NUP214: variants seen among roughly 807,000 people sequenced by gnomAD.
The protein encoded by NUP214 is nucleoporin 214, also known as nuclear pore complex protein Nup214.
NUP214 carries 79 observed loss-of-function variants against 196.2 expected under a neutral mutation model. The observed-to-expected ratio is 0.40, with a 90% CI of 0.34 to 0.49. The LOEUF is 0.49. Ranked by LOEUF, NUP214 falls within the 20% of genes least tolerant of loss-of-function variation. The probability of loss-of-function intolerance (pLI) is 0.58; values close to 1 mark genes in which losing one functional copy is unlikely to be tolerated. For missense variants in NUP214, 2,468 were observed against 2,539.0 expected (o/e 0.97, Z 0.60); for synonymous variants, 1,020 against 990.5 (o/e 1.03, Z -0.56).
chr9:131,204,996 C>T (rs901433184), intron 30 of NUP214, among the ~76,000 whole-genome samples: 7 of 151,986 alleles, frequency 4.6e-5, no homozygotes, highest in Non-Finnish European at 8.8e-5. Context: ...TTTCTAAATC[C>T]AGCAAAAAAA....
At chr9:131,187,213 A>G in intron 24 of NUP214, 76 bp from the exon 25 acceptor site, 1 of 1,270,846 alleles carries the variant, frequency 7.9e-7, no homozygotes. Flanking sequence ...TATTGGACAG[A>G]AGGTTGGCTT....
At chr9:131,192,893 A>C (rs1833646524) in intron 27 of NUP214, among the ~76,000 whole-genome samples, 1 of 142,060 alleles carries the variant, frequency 7.0e-6, no homozygotes, top group African/African-American at 2.6e-5. Flanking sequence ...GTGAGCTATG[A>C]TCACACCATT....
chr9:131,148,035 A>T (rs1832135627), intron 14 of NUP214, among the ~76,000 whole-genome samples: 2 of 152,316 alleles, frequency 1.3e-5, no homozygotes, highest in Non-Finnish European at 2.9e-5. Context: ...AAAAACGCAA[A>T]AATTAGCCGG....
intron 24 of NUP214, among the ~76,000 whole-genome samples, chr9:131,183,008 A>G (rs1833331788): frequency 6.6e-6 from 1 of 152,034 alleles, no homozygotes; most frequent in Non-Finnish European, 1.5e-5. Flanking sequence ...TCCCTTCACC[A>G]CCTTTATGCT....
chr9:131,133,304 G>GGTT lies in NUP214; in HGVS notation c.831+95_831+96insGTT. On this transcript the variant is annotated intron_variant, in intron 7 of 35. Transcript: ENST00000359428. ...TTTCAAGGGGTTTTTTTGTGTTTGT[G>GGTT]TTTTTTTTTTTTTTTTTTGAGACAA... The GGTT allele has an allele frequency of 9.5e-6, 4 of 421,410 alleles. No individual in the cohort carries two copies. The South Asian group carries it at 1.2e-4, about 13-fold the overall frequency. The allele number at this position is 421,410 out of a possible 1,614,324, so 26.1% of individuals were successfully genotyped here.
chr9:131,198,446 C>T lies in NUP214; in HGVS notation c.4952C>T (p.Ala1651Val). The T allele has an allele frequency of 1.2e-6, 2 of 1,614,246 alleles. No homozygotes were observed. The highest frequency in any genetic ancestry group is 1.7e-6 in the Non-Finnish European group (2 of 1,180,034). ...GSSVFAQPPA[A>V]SSSSAFNQLT... ...TCCGTCTTTGCTCAGCCTCCTGCTG[C>T]CAGTTCTAGCTCAGCTTTCAACCAG... Residue 1651 changes from alanine (A) to valine (V), a missense_variant, in exon 29 of 36, where the codon GCC becomes GTC. By Grantham distance (64) the Ala-to-Val change is moderately conservative (BLOSUM62 0). Transcript: ENST00000359428.
chr9:131,162,221 T>C (rs1046261062), intron 18 of NUP214, among the ~76,000 whole-genome samples: 1 of 152,232 alleles, frequency 6.6e-6, no homozygotes, highest in African/African-American at 2.4e-5. Flanking sequence ...CATCGTTGTA[T>C]ATGCAGTCCA....
At chr9:131,216,225 T>C (rs1834391672) in intron 31 of NUP214, among the ~76,000 whole-genome samples, 1 of 148,622 alleles carries the variant, frequency 6.7e-6, no homozygotes, top group Non-Finnish European at 1.5e-5. Flanking sequence ...TTTTTTTTTT[T>C]TTTTCTTTTT....
chr9:131,188,008 G>A (rs1833500929), intron 25 of NUP214, among the ~76,000 whole-genome samples: 1 of 152,236 alleles, frequency 6.6e-6, no homozygotes, highest in African/African-American at 2.4e-5. Flanking sequence ...GCCGTGTACA[G>A]TGGGAGGATA....
At chr9:131,192,920 A>C (rs936054573) in intron 27 of NUP214, among the ~76,000 whole-genome samples, 8 of 145,446 alleles carry the variant, frequency 5.5e-5, no homozygotes, top group Non-Finnish European at 7.5e-5. Context: ...CAGCCTGGGC[A>C]ACAGAGTGAA....
At chr9:131,214,357 A>G (rs1194157768) in intron 30 of NUP214, among the ~76,000 whole-genome samples, 3 of 152,120 alleles carry the variant, frequency 2.0e-5, no homozygotes, top group African/African-American at 7.2e-5. Flanking sequence ...GGCTCACGTA[A>G]TTCACTCTCC....
At chr9:131,229,204 T>C (rs1834803822) in intron 33 of NUP214, 1 of 154,404 alleles carries the variant, frequency 6.5e-6, no homozygotes, top group African/African-American at 2.4e-5. Flanking sequence ...GAAAATAAAC[T>C]ATAGTATGTT....
intron 32 of NUP214, among the ~76,000 whole-genome samples, chr9:131,223,711 TTTTATTTATTTA>T (rs1371826550): frequency 3.7e-5 from 1 of 27,136 alleles, no homozygotes; most frequent in African/African-American, 9.5e-5. Flanking sequence ...TTTTTTTTAT[TTTTATTTATTTA>T]TTTATTTTTT....
chr9:131,230,777 G>A lies in NUP214; in HGVS notation c.6214+8G>A. ...TTGGATCAGGCACAGGAGGTAAGCT[G>A]CCACAAGTTCTCCCCTCACAAGCAA... On this transcript the variant is annotated splice_region_variant and intron_variant, in intron 34 of 35. Coordinates refer to ENST00000359428, the MANE Select transcript of NUP214 (RefSeq NM_005085.4). The A allele has an allele frequency of 6.2e-7, 1 of 1,611,442 alleles. No individual in the cohort carries two copies. Among genetic ancestry groups the A allele is most frequent in the Non-Finnish European group, 8.5e-7 (1 of 1,179,234 alleles).
intron 32 of NUP214, among the ~76,000 whole-genome samples, chr9:131,226,489 TTTCACTCACCTTCC>T (rs1391058474): frequency 2.0e-5 from 3 of 152,038 alleles, no homozygotes; most frequent in Non-Finnish European, 4.4e-5. Context: ...ACTTCCCATT[TTTCACTCACCTTCC>T]ACCAAGAAGT....
chr9:131,150,942 A>T (rs1017723629), intron 16 of NUP214, among the ~76,000 whole-genome samples, 177 bp downstream of exon 16: 36 of 152,154 alleles, frequency 2.4e-4, no homozygotes, highest in Admixed American at 8.5e-4. Context: ...TCAGCACTTA[A>T]TAAATTATGT....
intron 27 of NUP214, 98 bp downstream of exon 27, chr9:131,192,390 G>A: frequency 1.4e-6 from 1 of 712,204 alleles, no homozygotes; most frequent in Non-Finnish European, 2.3e-6. Flanking sequence ...AAATGTGTAT[G>A]AACCCAGAGT....
intron 33 of NUP214, chr9:131,230,378 G>A: frequency 2.0e-6 from 1 of 491,998 alleles, no homozygotes; most frequent in South Asian, 2.3e-5. Context: ...TTCCAATGGG[G>A]GATGGAAACT....
intron 30 of NUP214, among the ~76,000 whole-genome samples, chr9:131,208,676 G>A (rs576583405): frequency 3.3e-5 from 5 of 151,302 alleles, no homozygotes; most frequent in African/African-American, 4.9e-5. Context: ...CAGCCTGGGC[G>A]ACAGAGCGAG....
Sources: gnomAD v4.1 joint callset for allele counts (sites outside exome capture counted in the v4.1 genomes callset) on GRCh38, gnomAD v4.1.1 for gene constraint, MANE v1.5 for transcripts, NCBI Gene and HGNC (gene_info 2026-07-23, HGNC 2026-07-21) for gene names.